The following IMMP1L variants were observed in gnomAD, a reference collection of about 807,000 sequenced individuals.
IMMP1L encodes mitochondrial inner membrane protease subunit 1.
In IMMP1L, 24 loss-of-function variants were observed where a neutral mutation model predicts 21.8. The observed-to-expected ratio is 1.10, with a 90% CI of 0.80 to 1.55. IMMP1L has a LOEUF of 1.55. IMMP1L is among the 40% of genes most tolerant of loss of function. IMMP1L has a pLI of 0.00. For missense variants in IMMP1L, 195 were observed against 200.7 expected (o/e 0.97, Z 0.17); for synonymous variants, 46 against 62.8 (o/e 0.73, Z 1.26).
At chr11:31,508,040 G>T (rs1397957505) in intron 1 of IMMP1L, among the ~76,000 whole-genome samples, 7 of 152,164 alleles carry the variant, frequency 4.6e-5, no homozygotes, top group African/African-American at 1.7e-4. Context: ...GCATCAGGAA[G>T]AATAGCTAAT....
At chr11:31,460,996 C>T (rs921015658) in intron 2 of IMMP1L, among the ~76,000 whole-genome samples, 30 of 152,136 alleles carry the variant, frequency 2.0e-4, no homozygotes, top group African/African-American at 6.0e-4. Context: ...CCTATAGAAT[C>T]TCAGTTCTAT....
At chr11:31,483,108 T>C (rs1269393720) in intron 1 of IMMP1L, among the ~76,000 whole-genome samples, 2 of 151,602 alleles carry the variant, frequency 1.3e-5, no homozygotes, top group Non-Finnish European at 2.9e-5. Flanking sequence ...ACAAGAAAAA[T>C]GAATCTGCTA....
At chr11:31,495,747 G>A (rs941088118) in intron 1 of IMMP1L, among the ~76,000 whole-genome samples, 4 of 152,080 alleles carry the variant, frequency 2.6e-5, no homozygotes, top group African/African-American at 9.7e-5. Flanking sequence ...TTTGACAAGG[G>A]TGCCAAGACC....
intron 1 of IMMP1L, among the ~76,000 whole-genome samples, chr11:31,498,947 TGAA>T (rs1402098687): frequency 6.6e-6 from 1 of 152,218 alleles, no homozygotes; most frequent in African/African-American, 2.4e-5. Flanking sequence ...GTGGAGATAC[TGAA>T]GAAGATACTA....
chr11:31,484,000 C>T (rs1250407003), intron 1 of IMMP1L, among the ~76,000 whole-genome samples: 3 of 151,514 alleles, frequency 2.0e-5, no homozygotes, highest in Non-Finnish European at 3.0e-5. Flanking sequence ...GAAAGATCAT[C>T]CAAAGATTAT....
chr11:31,498,897 C>T (rs1435882970), intron 1 of IMMP1L, among the ~76,000 whole-genome samples: 31 of 152,186 alleles, frequency 2.0e-4, no homozygotes, highest in Admixed American at 2.0e-3. Context: ...AAAAACATTA[C>T]TTAATATAAT....
intron 1 of IMMP1L, among the ~76,000 whole-genome samples, chr11:31,498,183 T>C (rs1301736476): frequency 6.6e-6 from 1 of 152,200 alleles, no homozygotes. Context: ...AATCTTTAAT[T>C]TTGACTAATG....
intron 1 of IMMP1L, among the ~76,000 whole-genome samples, chr11:31,484,911 A>C (rs962094407): frequency 2.0e-5 from 3 of 151,926 alleles, no homozygotes; most frequent in Non-Finnish European, 4.4e-5. Context: ...AAAGCAAATA[A>C]ATTTTCAAAT....
chr11:31,461,960 A>C (rs1954154783), intron 2 of IMMP1L, among the ~76,000 whole-genome samples: 1 of 152,184 alleles, frequency 6.6e-6, no homozygotes, highest in Non-Finnish European at 1.5e-5. Flanking sequence ...ATAGGAGGAA[A>C]TACAATTACA....
Position 31,433,573 on chromosome 11 carries a change from A to C in IMMP1L, c.322-3T>G. On this transcript the variant is annotated splice_polypyrimidine_tract_variant and splice_region_variant and intron_variant, in intron 4 of 5. Transcript: ENST00000532287. Reference sequence around the variant, plus strand: ...AACCAAACATGACCCATTGGCACCTAGAATTAGAGAAGAAATGCAGCCTCT... The same window carrying C: ...AACCAAACATGACCCATTGGCACCTCGAATTAGAGAAGAAATGCAGCCTCT... The C allele has an allele frequency of 1.9e-6, 3 of 1,571,666 alleles. No homozygotes were observed. The highest frequency in any genetic ancestry group is 2.6e-6 in the Non-Finnish European group (3 of 1,147,256).
chr11:31,471,328 C>T (rs1262697530), intron 1 of IMMP1L, among the ~76,000 whole-genome samples: 1 of 152,104 alleles, frequency 6.6e-6, no homozygotes, highest in East Asian at 1.9e-4. Context: ...GATCTTTCTC[C>T]CTCTCCTTCC....
chr11:31,490,666 C>T (rs1055199297), intron 1 of IMMP1L, among the ~76,000 whole-genome samples: 1 of 151,938 alleles, frequency 6.6e-6, no homozygotes, highest in African/African-American at 2.4e-5. Flanking sequence ...TTATACAACA[C>T]CATTTATAAT....
chr11:31,446,140 C>G (rs1953510565), intron 4 of IMMP1L, among the ~76,000 whole-genome samples: 1 of 152,130 alleles, frequency 6.6e-6, no homozygotes, highest in African/African-American at 2.4e-5. Context: ...TACCACTCAC[C>G]CTGTGGCAAG....
At chr11:31,501,747 A>T (rs979484113) in intron 1 of IMMP1L, among the ~76,000 whole-genome samples, 1 of 152,042 alleles carries the variant, frequency 6.6e-6, no homozygotes, top group Non-Finnish European at 1.5e-5. Flanking sequence ...TGAGGCCAGG[A>T]GTTTGAGCCC....
chr11:31,461,855 C>A (rs367725036), intron 2 of IMMP1L, among the ~76,000 whole-genome samples: 1 of 152,148 alleles, frequency 6.6e-6, no homozygotes, highest in East Asian at 1.9e-4. Context: ...TCAGAAAAAA[C>A]TATCATCGCC....
intron 1 of IMMP1L, among the ~76,000 whole-genome samples, chr11:31,499,527 T>C (rs1401621943): frequency 1.3e-5 from 2 of 152,162 alleles, no homozygotes; most frequent in East Asian, 3.9e-4. Flanking sequence ...AGTGATAGGT[T>C]TGGATGGAGC....
intron 1 of IMMP1L, among the ~76,000 whole-genome samples, chr11:31,465,087 T>C (rs1057306091): frequency 6.6e-6 from 1 of 152,118 alleles, no homozygotes; most frequent in Non-Finnish European, 1.5e-5. Context: ...ATGAATTCAA[T>C]ATAGTTGCAG....
chr11:31,505,129 A>T (rs1460791064), intron 1 of IMMP1L, among the ~76,000 whole-genome samples: 2 of 152,176 alleles, frequency 1.3e-5, no homozygotes, highest in Non-Finnish European at 2.9e-5. Flanking sequence ...GAAGCCACTG[A>T]AAAAACAACT....
At position 31,479,866 on chromosome 11, in the gene IMMP1L, C is replaced by A. The variant is rs368982493; in HGVS notation, c.-29-16561G>T. ...GGTTAATTATGGAAGAACAAACATT[C>A]CAGTGTCAAATCTGGTAGATAAGCT... is the stretch of plus-strand genomic sequence containing the variant. On this transcript the variant is annotated intron_variant, in intron 1 of 5. Transcript: ENST00000532287. Among the ~76,000 whole-genome samples the A allele has an allele frequency of 1.8e-4, 28 of 152,044 alleles. No individual in the cohort carries two copies. In the East Asian group the frequency reaches 3.3e-3, roughly 18 times the overall value.
Sources: gnomAD v4.1 joint callset for allele counts (sites outside exome capture counted in the v4.1 genomes callset) on GRCh38, gnomAD v4.1.1 for gene constraint, MANE v1.5 for transcripts, NCBI Gene and HGNC (gene_info 2026-07-23, HGNC 2026-07-21) for gene names.